Variants in S100Z observed in about 807,000 individuals in gnomAD.
S100Z encodes protein S100-Z.
A neutral mutation model predicts 8.5 loss-of-function variants in S100Z; 11 were observed. The ratio of observed to expected loss-of-function variants is 1.30; its 90% CI spans 0.82 to 2.15. The LOEUF is 2.15. Among genes scored for constraint, S100Z ranks in the 30% most tolerant of loss-of-function variants. The probability of loss-of-function intolerance (pLI) is 0.00; values close to 1 mark genes in which losing one functional copy is unlikely to be tolerated. For synonymous variants in S100Z, 34 were observed against 43.8 expected (o/e 0.78, Z 0.89); for missense variants, 126 against 117.9 (o/e 1.07, Z -0.32).
chr5:76,871,647 T>G (rs1333384716), intron 2 of S100Z, among the ~76,000 whole-genome samples: 1 of 151,618 alleles, frequency 6.6e-6, no homozygotes, highest in Non-Finnish European at 1.5e-5. Context: ...TTCAGCCTCC[T>G]GAGTAGCTGG....
chr5:76,875,306 T>C lies in S100Z; in HGVS notation c.-54T>C, dbSNP rs932554188. The C allele has an allele frequency of 9.1e-6, 14 of 1,543,802 alleles. No homozygotes were observed. Among genetic ancestry groups the C allele is most frequent in the Non-Finnish European group, 1.2e-5 (14 of 1,141,236 alleles). On this transcript the variant is annotated splice_region_variant and 5_prime_UTR_variant, in exon 3 of 5. Transcript: ENST00000317593. ...CTCATCTGTTTATTCTGAACAAGTGTCTTCTCCCCGGGTTTGGTGGCCTGC... is the reference window on the plus strand; with the variant it reads ...CTCATCTGTTTATTCTGAACAAGTGCCTTCTCCCCGGGTTTGGTGGCCTGC...
chr5:76,886,945 G>A (rs1311252743), intron 4 of S100Z, among the ~76,000 whole-genome samples: 4 of 152,128 alleles, frequency 2.6e-5, no homozygotes, highest in Admixed American at 6.5e-5. Context: ...ATCTTCAGTT[G>A]CTTCAGGCCA....
chr5:76,940,023 G>A, the S100Z span, among the ~76,000 whole-genome samples: 1 of 151,888 alleles, frequency 6.6e-6, no homozygotes, highest in East Asian at 2.0e-4. Context: ...TGGGCATGGT[G>A]GCATATGCCT....
intron 1 of S100Z, among the ~76,000 whole-genome samples, chr5:76,863,638 A>G (rs1358670086): frequency 6.6e-6 from 1 of 152,026 alleles, no homozygotes; most frequent in Non-Finnish European, 1.5e-5. Flanking sequence ...TCCCGGGTTC[A>G]CGCCATTCTC....
intron 1 of S100Z, among the ~76,000 whole-genome samples, chr5:76,862,738 G>A (rs1274627975): frequency 3.3e-5 from 5 of 152,078 alleles, no homozygotes; most frequent in Admixed American, 2.6e-4. Flanking sequence ...GGAGTCGGAG[G>A]TTGCAGTGAG....
At chr5:76,880,328 T>C (rs1333409218) in intron 4 of S100Z, among the ~76,000 whole-genome samples, 2 of 152,236 alleles carry the variant, frequency 1.3e-5, no homozygotes, top group Non-Finnish European at 2.9e-5. Flanking sequence ...CTCAGAGGCC[T>C]GACATTCCTG....
chr5:76,876,958 T>C (rs144618683), intron 3 of S100Z, among the ~76,000 whole-genome samples: 2 of 152,294 alleles, frequency 1.3e-5, no homozygotes, highest in African/African-American at 4.8e-5. Flanking sequence ...TTCTCTTTGC[T>C]TTCCACCCAT....
intron 4 of S100Z, among the ~76,000 whole-genome samples, chr5:76,885,659 G>T: frequency 6.9e-6 from 1 of 145,964 alleles, no homozygotes; most frequent in Non-Finnish European, 1.5e-5. Flanking sequence ...CGGGGTGGGA[G>T]GTGCTTGCCC....
intron 1 of S100Z, among the ~76,000 whole-genome samples, chr5:76,868,374 G>C (rs975256410): frequency 6.6e-6 from 1 of 152,094 alleles, no homozygotes; most frequent in Admixed American, 6.5e-5. Flanking sequence ...TAAACCCCAA[G>C]AGCCAAGATG....
In S100Z at chr5:76,865,618, T is replaced by C. The variant is rs986455630; in HGVS notation, c.-175-4548T>C. Among the ~76,000 whole-genome samples, 28 of 151,796 alleles carry C rather than the reference T, an allele frequency of 1.8e-4. 1 individual carries two copies. Among genetic ancestry groups the C allele is most frequent in the African/African-American group, 6.8e-4 (28 of 41,458 alleles). ...TTAAAAATAGAAAAAACTTATAGAATAAAAATATAAAGAAAAAATTGTACA... is the reference window on the plus strand; with the variant it reads ...TTAAAAATAGAAAAAACTTATAGAACAAAAATATAAAGAAAAAATTGTACA... On this transcript the variant is annotated intron_variant, in intron 1 of 4. Transcript: ENST00000317593.
chr5:76,880,953 G>A (rs908393421), intron 4 of S100Z, among the ~76,000 whole-genome samples: 1 of 152,196 alleles, frequency 6.6e-6, no homozygotes, highest in African/African-American at 2.4e-5. Flanking sequence ...TGTTAAAGAA[G>A]GATTAGAAAT....
chr5:76,880,807 T>C (rs1345632087), intron 4 of S100Z, among the ~76,000 whole-genome samples: 1 of 152,160 alleles, frequency 6.6e-6, no homozygotes, highest in Non-Finnish European at 1.5e-5. Flanking sequence ...TTGATTTAGG[T>C]AAAAACAACA....
intron 1 of S100Z, among the ~76,000 whole-genome samples, chr5:76,859,745 C>T (rs1271600368): frequency 7.9e-6 from 1 of 127,056 alleles, no homozygotes; most frequent in Non-Finnish European, 1.6e-5. Flanking sequence ...TGCGCCACTG[C>T]ACTACAGCCA....
chr5:76,853,989 G>T (rs528723302), intron 1 of S100Z, among the ~76,000 whole-genome samples: 1 of 152,080 alleles, frequency 6.6e-6, no homozygotes, highest in Admixed American at 6.5e-5. Context: ...TCCTGCTCTG[G>T]CCATGTAAGA....
intron 4 of S100Z, among the ~76,000 whole-genome samples, chr5:76,889,443 G>A (rs145561779): frequency 8.8e-4 from 134 of 152,278 alleles, no homozygotes; most frequent in African/African-American, 3.2e-3. Context: ...AGAAGATCTC[G>A]ACATTTCGCA....
intron 4 of S100Z, among the ~76,000 whole-genome samples, chr5:76,908,597 G>A (rs1048862558): frequency 6.6e-6 from 1 of 152,198 alleles, no homozygotes; most frequent in Admixed American, 6.5e-5. Context: ...CATCATAGGT[G>A]GGACTATCTG....
At chr5:76,924,006 C>T (rs990230262), downstream of S100Z, among the ~76,000 whole-genome samples, 18 of 152,196 alleles carry the variant, frequency 1.2e-4, no homozygotes, top group Admixed American at 8.5e-4. Context: ...GAAACTGGGT[C>T]CACCAAAGAG....
At chr5:76,929,049 G>A in the S100Z span, among the ~76,000 whole-genome samples, 1 of 152,176 alleles carries the variant, frequency 6.6e-6, no homozygotes, top group African/African-American at 2.4e-5. Context: ...TGGCTATTTG[G>A]CTGTCTCTTG....
chr5:76,877,219 GAAAT>G (rs1328654711), intron 3 of S100Z, among the ~76,000 whole-genome samples: 3 of 152,122 alleles, frequency 2.0e-5, no homozygotes, highest in Non-Finnish European at 4.4e-5. Context: ...AAGTATCCCT[GAAAT>G]GTGTGGATAG....
Sources: gnomAD v4.1 joint callset for allele counts (sites outside exome capture counted in the v4.1 genomes callset) on GRCh38, gnomAD v4.1.1 for gene constraint, MANE v1.5 for transcripts, NCBI Gene and HGNC (gene_info 2026-07-23, HGNC 2026-07-21) for gene names.